The following NPEPPS variants were observed in gnomAD, a reference collection of about 807,000 sequenced individuals.
NPEPPS encodes puromycin-sensitive aminopeptidase.
In NPEPPS, 14 loss-of-function variants were observed where a neutral mutation model predicts 115.5. That is an observed-to-expected ratio of 0.12 (90% CI 0.08 to 0.19). The LOEUF (loss-of-function observed/expected upper bound fraction) is 0.19. Ranked by LOEUF, NPEPPS falls within the 10% of genes least tolerant of loss-of-function variation. The pLI is 1.00. For missense variants in NPEPPS, 523 were observed against 1,110.8 expected, an observed-to-expected ratio of 0.47 and a Z score of 7.52; for synonymous variants, 285 against 390.6, an observed-to-expected ratio of 0.73 and a Z score of 3.19.
intron 1 of NPEPPS, among the ~76,000 whole-genome samples, chr17:47,540,447 GGT>G (rs1908665448): frequency 6.6e-6 from 1 of 152,190 alleles, no homozygotes; most frequent in Admixed American, 6.6e-5. Context: ...AGGTGTCAAA[GGT>G]GGGAAATCAT....
At chr17:47,552,223 A>G (rs1413462302) in intron 2 of NPEPPS, among the ~76,000 whole-genome samples, 2 of 152,106 alleles carry the variant, frequency 1.3e-5, no homozygotes, top group Admixed American at 1.3e-4. Flanking sequence ...TCAGCTTCCC[A>G]AAGTGCTGGG....
chr17:47,619,840 C>A lies in NPEPPS; in HGVS notation c.2607+56C>A, dbSNP rs1346846245. 8 of 1,310,480 alleles carry A rather than the reference C, an allele frequency of 6.1e-6. No homozygotes were observed. In the Admixed American group the frequency reaches 1.2e-4, roughly 19 times the overall value. The allele number at this position is 1,310,480 out of a possible 1,614,324, so 81.2% of individuals were successfully genotyped here. ...TCAGTCTAGTAAGTAAAAACAATAACCTGGTTGTAATTATAGTGTTGGGAT... is the reference window on the plus strand; with the variant it reads ...TCAGTCTAGTAAGTAAAAACAATAAACTGGTTGTAATTATAGTGTTGGGAT... On this transcript the variant is annotated intron_variant, in intron 22 of 22. Coordinates refer to ENST00000322157, the MANE Select transcript of NPEPPS (RefSeq NM_006310.4).
intron 19 of NPEPPS, among the ~76,000 whole-genome samples, chr17:47,614,318 C>T (rs187819393): frequency 2.0e-5 from 3 of 152,238 alleles, no homozygotes; most frequent in Admixed American, 2.0e-4. Context: ...AAGTCACTTT[C>T]TTTAAATTTT....
At chr17:47,535,505 C>T (rs1291398971) in intron 1 of NPEPPS, among the ~76,000 whole-genome samples, 2 of 145,004 alleles carry the variant, frequency 1.4e-5, no homozygotes, top group African/African-American at 5.1e-5. Context: ...GAGCCGAGAT[C>T]GCGCCACGCA....
chr17:47,535,213 A>G (rs1908124170), intron 1 of NPEPPS, among the ~76,000 whole-genome samples: 1 of 114,118 alleles, frequency 8.8e-6, no homozygotes, highest in Admixed American at 1.1e-4. Context: ...ACTGCACTCC[A>G]GCCTGGGCAA....
chr17:47,575,270 A>G (rs930183082), intron 3 of NPEPPS, among the ~76,000 whole-genome samples: 27 of 152,170 alleles, frequency 1.8e-4, no homozygotes, highest in African/African-American at 6.5e-4. Context: ...TTAAGAACAC[A>G]GAAATCACCA....
chr17:47,602,460 C>T (rs1258064419), intron 15 of NPEPPS, among the ~76,000 whole-genome samples: 1 of 151,854 alleles, frequency 6.6e-6, no homozygotes, highest in Non-Finnish European at 1.5e-5. Flanking sequence ...TGGTGAAACC[C>T]TGTCTCTACT....
rs551670155 is a variant in NPEPPS at position 47,539,940 on chromosome 17, C to T, written c.256-5969C>T. On this transcript the variant is annotated intron_variant, in intron 1 of 22. Coordinates refer to ENST00000322157, the MANE Select transcript of NPEPPS (RefSeq NM_006310.4). ...GCTTCAGACTGGCATTTGGAATTGTCACACTGGAGATTTTCTTTTACTGAA... is the reference window on the plus strand; with the variant it reads ...GCTTCAGACTGGCATTTGGAATTGTTACACTGGAGATTTTCTTTTACTGAA... Among the ~76,000 whole-genome samples the T allele has an allele frequency of 2.6e-5, 4 of 152,198 alleles. No homozygotes were observed. In the South Asian group the frequency reaches 6.2e-4, roughly 24 times the overall value.
intron 3 of NPEPPS, among the ~76,000 whole-genome samples, chr17:47,569,778 G>A (rs1455565603): frequency 6.6e-6 from 1 of 151,976 alleles, no homozygotes; most frequent in African/African-American, 2.4e-5. Context: ...CCACCACACC[G>A]GCTAATTTTT....
At position 47,612,467 on chromosome 17, in the gene NPEPPS, C is replaced by A. The variant is rs201093766; in HGVS notation, c.2103C>A (p.Leu701=). 6.2e-7 allele frequency: 1 copy of A among 1,613,664 alleles called. No individual in the cohort carries two copies. Among genetic ancestry groups the A allele is most frequent in the Non-Finnish European group, 8.5e-7 (1 of 1,179,796 alleles). ...GWDPKPGEGH[L]DALLRGLVLG... is the part of the protein sequence containing the mutation. The stretch of plus-strand genomic sequence containing the variant: ...TTTTACTTCTCAAATCAGGTCATCT[C>A]GATGCACTCCTGAGGGGCTTGGTTC... Residue 701 remains leucine (L), a synonymous_variant, in exon 18 of 23, where the codon CTC becomes CTA. Transcript: ENST00000322157.
At chr17:47,564,622 CATTT>C (rs1483244255) in intron 2 of NPEPPS, among the ~76,000 whole-genome samples, 4 of 148,790 alleles carry the variant, frequency 2.7e-5, no homozygotes, top group African/African-American at 4.9e-5. Context: ...ATGAATTATT[CATTT>C]ATCATATCAG....
At chr17:47,611,144 G>A (rs907904782) in intron 17 of NPEPPS, among the ~76,000 whole-genome samples, 30 of 151,736 alleles carry the variant, frequency 2.0e-4, no homozygotes, top group Non-Finnish European at 1.2e-4. Flanking sequence ...GAGCCACCGC[G>A]CCCGTCCTTT....
intron 1 of NPEPPS, among the ~76,000 whole-genome samples, chr17:47,523,837 A>C (rs1388981540): frequency 1.3e-5 from 2 of 152,162 alleles, no homozygotes; most frequent in African/African-American, 4.8e-5. Flanking sequence ...GAGGCAGAGA[A>C]TTGCTAGGAC....
At chr17:47,588,530 C>G (rs1221134228) in intron 9 of NPEPPS, among the ~76,000 whole-genome samples, 2 of 151,554 alleles carry the variant, frequency 1.3e-5, no homozygotes, top group African/African-American at 4.9e-5. Flanking sequence ...CGCCACTGCA[C>G]TCCAGCCTGG....
intron 21 of NPEPPS, 179 bp downstream of exon 21, chr17:47,619,343 C>T (rs760956733): frequency 7.7e-6 from 5 of 646,718 alleles, no homozygotes; most frequent in South Asian, 3.5e-5. Flanking sequence ...CACCTGAGGT[C>T]GGGAGTTCGA....
At chr17:47,615,331 C>T in intron 19 of NPEPPS, among the ~76,000 whole-genome samples, 1 of 152,188 alleles carries the variant, frequency 6.6e-6, no homozygotes, top group East Asian at 1.9e-4. Flanking sequence ...CCGACTCGGC[C>T]TCCCAAAGTG....
At chr17:47,546,882 A>G (rs1232905558) in intron 2 of NPEPPS, among the ~76,000 whole-genome samples, 2 of 152,206 alleles carry the variant, frequency 1.3e-5, no homozygotes, top group African/African-American at 4.8e-5. Flanking sequence ...ATTTTGTGAT[A>G]CTAGGGAAAT....
chr17:47,615,667 A>C (rs1434783786), intron 19 of NPEPPS, among the ~76,000 whole-genome samples: 4 of 152,232 alleles, frequency 2.6e-5, no homozygotes, highest in Non-Finnish European at 5.9e-5. Flanking sequence ...GATATGTATG[A>C]AATGGGATAT....
chr17:47,611,377 T>C (rs1913861231), intron 17 of NPEPPS, among the ~76,000 whole-genome samples: 1 of 150,950 alleles, frequency 6.6e-6, no homozygotes, highest in East Asian at 2.0e-4. Context: ...GAGAATTGCT[T>C]GAACCTGGGA....
Sources: gnomAD v4.1 joint callset for allele counts (sites outside exome capture counted in the v4.1 genomes callset) on GRCh38, gnomAD v4.1.1 for gene constraint, MANE v1.5 for transcripts, NCBI Gene and HGNC (gene_info 2026-07-23, HGNC 2026-07-21) for gene names.